Variants in OLA1 observed in about 807,000 individuals in gnomAD.
OLA1 encodes the protein Obg like ATPase 1.
In OLA1, 14 loss-of-function variants were observed where a neutral mutation model predicts 48.4. The ratio of observed to expected loss-of-function variants is 0.29; its 90% CI spans 0.19 to 0.45. The LOEUF (loss-of-function observed/expected upper bound fraction) is 0.45, where lower values mean the gene tolerates loss of function less well. OLA1 is among the 20% of genes least tolerant of loss of function. OLA1 has a pLI of 1.00. For missense variants in OLA1, 325 were observed against 467.1 expected (o/e 0.70, Z 2.80); for synonymous variants, 127 against 150.4 (o/e 0.84, Z 1.14).
intron 7 of OLA1, among the ~76,000 whole-genome samples, chr2:174,116,914 T>TA (rs1223282175): frequency 6.6e-6 from 1 of 152,192 alleles, no homozygotes; most frequent in African/African-American, 2.4e-5. Context: ...CAATTTTCTT[T>TA]AAAAAATCAT....
Position 174,087,305 on chromosome 2 carries a change from C to T in OLA1, c.729-5241G>A, listed in dbSNP as rs139518097. ...CCTCCCAAAGTGCTGGGATTGCAGGCGTGAGCCACTGCACTCGGCCCCTAT... is the reference window on the plus strand; with the variant it reads ...CCTCCCAAAGTGCTGGGATTGCAGGTGTGAGCCACTGCACTCGGCCCCTAT... On this transcript the variant is annotated intron_variant, in intron 7 of 10. Coordinates refer to ENST00000284719, the MANE Select transcript of OLA1 (RefSeq NM_013341.5). Among the ~76,000 whole-genome samples, 1,073 of 152,106 alleles carry T rather than the reference C, an allele frequency of 7.1e-3. 5 individuals are homozygous for T. The highest frequency in any genetic ancestry group is 0.01 in the Non-Finnish European group (692 of 67,956).
intron 4 of OLA1, among the ~76,000 whole-genome samples, chr2:174,204,139 C>A (rs1053847840): frequency 6.6e-6 from 1 of 151,428 alleles, no homozygotes; most frequent in Non-Finnish European, 1.5e-5. Context: ...CAGTGGCTCA[C>A]GCCTGTAATC....
At chr2:174,189,665 A>G (rs1687732145) in intron 4 of OLA1, among the ~76,000 whole-genome samples, 1 of 152,192 alleles carries the variant, frequency 6.6e-6, no homozygotes, top group South Asian at 2.1e-4. Flanking sequence ...AGGCATTCGC[A>G]TACACTGTTG....
intron 4 of OLA1, among the ~76,000 whole-genome samples, chr2:174,219,011 C>T (rs550282356): frequency 1.0e-3 from 66 of 64,782 alleles, no homozygotes; most frequent in African/African-American, 5.6e-3. Context: ...TTTTTTGTAG[C>T]AATGTGGTCT....
chr2:174,176,151 C>T (rs1422290940), intron 4 of OLA1, among the ~76,000 whole-genome samples: 1 of 151,958 alleles, frequency 6.6e-6, no homozygotes, highest in East Asian at 1.9e-4. Context: ...AAACTGTACA[C>T]TAAGAATATA....
At chr2:174,106,807 G>A (rs1309126821) in intron 7 of OLA1, among the ~76,000 whole-genome samples, 1 of 152,112 alleles carries the variant, frequency 6.6e-6, no homozygotes, top group Non-Finnish European at 1.5e-5. Flanking sequence ...CAGAATTTCT[G>A]TGCTCATCTA....
In OLA1 at chr2:174,076,519, T is replaced by C. The variant is rs148434379; in HGVS notation, c.1090-992A>G. Reference sequence around the variant, plus strand: ...TTCTCTTTGAAGATATTGATAAGAATGTTCAAAGCCAAGTGAAATTATACT... The same window carrying C: ...TTCTCTTTGAAGATATTGATAAGAACGTTCAAAGCCAAGTGAAATTATACT... On this transcript the variant is annotated intron_variant, in intron 10 of 10. Transcript: ENST00000284719. Among the ~76,000 whole-genome samples the C allele has an allele frequency of 2.8e-3, 430 of 152,214 alleles. 1 individual carries two copies. Among genetic ancestry groups the C allele is most frequent in the African/African-American group, 9.8e-3 (409 of 41,526 alleles).
intron 7 of OLA1, among the ~76,000 whole-genome samples, chr2:174,090,216 A>T (rs774203257): frequency 6.6e-6 from 1 of 152,190 alleles, no homozygotes; most frequent in Non-Finnish European, 1.5e-5. Context: ...TTTGCAGCAT[A>T]TAAAAATTGG....
chr2:174,245,158 T>C (rs186319299), intron 2 of OLA1, among the ~76,000 whole-genome samples: 1 of 152,334 alleles, frequency 6.6e-6, no homozygotes, highest in Non-Finnish European at 1.5e-5. Context: ...ACAACATAAA[T>C]AATGATCATA....
At chr2:174,144,952 ATATATATAT>A (rs1298204682) in intron 4 of OLA1, among the ~76,000 whole-genome samples, 1 of 49,000 alleles carries the variant, frequency 2.0e-5, no homozygotes, top group African/African-American at 7.3e-5. Flanking sequence ...AAAAAAAAAA[ATATATATAT>A]ATATATATAT....
At chr2:174,094,788 A>C (rs1461438574) in intron 7 of OLA1, among the ~76,000 whole-genome samples, 1 of 152,070 alleles carries the variant, frequency 6.6e-6, no homozygotes, top group Non-Finnish European at 1.5e-5. Context: ...TAGATCTAAA[A>C]CTCTATAGCC....
At position 174,075,387 on chromosome 2, in the gene OLA1, T is replaced by A; in HGVS notation, c.*39A>T. ...TTTAATTTTTTAAAAATCAGATGCC[T>A]TTTGGAAGTTGTATGTTTATCTGAG... On this transcript the variant is annotated 3_prime_UTR_variant, in exon 11 of 11. Coordinates refer to ENST00000284719, the MANE Select transcript of OLA1 (RefSeq NM_013341.5). The A allele has an allele frequency of 8.0e-7, 1 of 1,256,074 alleles. No homozygotes were observed. Among genetic ancestry groups the A allele is most frequent in the Non-Finnish European group, 1.1e-6 (1 of 870,406 alleles). The allele number at this position is 1,256,074 out of a possible 1,614,324, so 77.8% of individuals were successfully genotyped here.
intron 4 of OLA1, among the ~76,000 whole-genome samples, chr2:174,215,215 G>A (rs1688336547): frequency 6.6e-6 from 1 of 152,116 alleles, no homozygotes; most frequent in Non-Finnish European, 1.5e-5. Context: ...GTGTTCTGTA[G>A]CCATACTCTT....
chr2:174,170,724 C>G (rs1687280145), intron 4 of OLA1, among the ~76,000 whole-genome samples: 2 of 152,190 alleles, frequency 1.3e-5, no homozygotes, highest in South Asian at 4.2e-4. Context: ...ATAGCAAGAT[C>G]CCATTTCTAC....
intron 5 of OLA1, among the ~76,000 whole-genome samples, chr2:174,136,599 G>A (rs1452525370): frequency 3.3e-5 from 5 of 151,686 alleles, no homozygotes; most frequent in Non-Finnish European, 5.9e-5. Context: ...AGTCATCCAT[G>A]TGGGTTTGGA....
intron 4 of OLA1, among the ~76,000 whole-genome samples, chr2:174,203,857 C>T (rs529665124): frequency 2.5e-4 from 37 of 150,320 alleles, no homozygotes; most frequent in Admixed American, 6.6e-4. Context: ...TGCAACAGCA[C>T]GATCTCGGCT....
At chr2:174,105,817 G>A (rs16862369) in intron 7 of OLA1, among the ~76,000 whole-genome samples, 17,331 of 151,942 alleles carry the variant, frequency 0.11, 2,306 homozygotes, top group East Asian at 0.72. Context: ...TTAAAAGTAC[G>A]TTATAATATT....
At chr2:174,086,861 C>T (rs1486868646) in intron 7 of OLA1, among the ~76,000 whole-genome samples, 1 of 152,080 alleles carries the variant, frequency 6.6e-6, no homozygotes, top group Non-Finnish European at 1.5e-5. Flanking sequence ...ACTGAAACGG[C>T]AGAAAGCAAA....
chr2:174,132,205 T>G (rs997057511), intron 5 of OLA1, among the ~76,000 whole-genome samples: 1 of 152,076 alleles, frequency 6.6e-6, no homozygotes, highest in African/African-American at 2.4e-5. Context: ...AGTAACACAT[T>G]TTCGTTCATA....
Sources: allele counts gnomAD v4.1 joint callset (sites outside exome capture counted in the v4.1 genomes callset), GRCh38; gene constraint gnomAD v4.1.1; transcripts MANE v1.5; gene names NCBI Gene and HGNC (gene_info 2026-07-23, HGNC 2026-07-21).